The following EML6 variants were observed in gnomAD, a reference collection of about 807,000 sequenced individuals.
The protein encoded by EML6 is EMAP like 6, also known as echinoderm microtubule-associated protein-like 6.
Under a neutral mutation model 240.1 loss-of-function variants are expected in EML6, and 154 were observed. The ratio of observed to expected loss-of-function variants is 0.64; its 90% CI spans 0.56 to 0.73. EML6 has a LOEUF of 0.73. Ranked by LOEUF, EML6 falls within the 30% of genes least tolerant of loss-of-function variation. The pLI, the probability that EML6 is intolerant of heterozygous loss-of-function variation, is 0.00. For missense variants in EML6, 2,964 were observed against 2,474.6 expected, an observed-to-expected ratio of 1.20 and a Z score of -4.20; for synonymous variants, 1,148 against 899.0, an observed-to-expected ratio of 1.28 and a Z score of -4.95.
chr2:54,855,393 C>T (rs1371021), intron 11 of EML6, among the ~76,000 whole-genome samples: 94,005 of 150,518 alleles, frequency 0.62, 29,715 homozygotes, highest in South Asian at 0.73. Context: ...TAGGACAGCA[C>T]CAAGAGGATG....
chr2:54,916,690 C>G lies in EML6; in HGVS notation c.3499-69C>G. 2.3e-6 allele frequency: 3 copies of G among 1,285,630 alleles called. No individual in the cohort carries two copies. In the South Asian group the frequency reaches 5.5e-5, roughly 23 times the overall value. 79.6% of individuals were successfully genotyped at this position (1,285,630 alleles called of 1,614,324 possible). On this transcript the variant is annotated intron_variant, in intron 25 of 41. Transcript: ENST00000356458. ...AAAGTAATTTAGAATTACTCAGGTG[C>G]AAACTGTTTCTTTTAAATAAAACAA...
intron 21 of EML6, among the ~76,000 whole-genome samples, chr2:54,898,123 T>C (rs1672863947): frequency 6.6e-6 from 1 of 152,114 alleles, no homozygotes; most frequent in Non-Finnish European, 1.5e-5. Context: ...AGCAGTCAGC[T>C]CGCAGTTGTA....
intron 2 of EML6, among the ~76,000 whole-genome samples, chr2:54,785,170 C>CA (rs1669024662): frequency 9.7e-6 from 1 of 102,644 alleles, no homozygotes; most frequent in Non-Finnish European, 1.9e-5. Flanking sequence ...CACACACACA[C>CA]TTTTTTTTTT....
At chr2:54,892,983 G>A (rs186788108) in intron 19 of EML6, among the ~76,000 whole-genome samples, 1 of 152,234 alleles carries the variant, frequency 6.6e-6, no homozygotes, top group Non-Finnish European at 1.5e-5. Flanking sequence ...CTTCAGCATT[G>A]TCTTCCTCCT....
chr2:54,870,540 C>T (rs1203332329), intron 15 of EML6, among the ~76,000 whole-genome samples: 6 of 152,162 alleles, frequency 3.9e-5, no homozygotes, highest in African/African-American at 9.7e-5. Context: ...AATTAGAGAC[C>T]TACTGTGTTA....
Position 54,724,438 on chromosome 2 carries a change from C to T in EML6, c.-513-111C>T, listed in dbSNP as rs1022029860. 5.3e-5 allele frequency: 8 copies of T among 152,056 alleles called. No individual in the cohort carries two copies. Among genetic ancestry groups the T allele is most frequent in the Admixed American group, 3.9e-4 (6 of 15,270 alleles). The allele number at this position is 152,056 out of a possible 1,614,324, so 9.4% of individuals were successfully genotyped here. A position where few individuals can be genotyped will look rare whatever the true frequency, so the allele number is the denominator to read the frequency against. On this transcript the variant is annotated intron_variant, in intron 1 of 41. Transcript: ENST00000356458. This position sits in a 1 kb window ranked among gnomAD's most constrained non-coding sequence, Gnocchi z 5.2. ...GGAGAGAGAAAGCGGGAGTAGGGGA[C>T]AATTTTTAAAAATACCCAACTTGGT... is the stretch of plus-strand genomic sequence containing the variant.
At chr2:54,925,715 T>G (rs1454671524) in intron 26 of EML6, among the ~76,000 whole-genome samples, 1 of 152,170 alleles carries the variant, frequency 6.6e-6, no homozygotes, top group Non-Finnish European at 1.5e-5. Context: ...TATCAGAGAC[T>G]TAACAGGAGC....
intron 2 of EML6, among the ~76,000 whole-genome samples, chr2:54,752,662 G>T (rs561373651): frequency 1.3e-5 from 2 of 152,300 alleles, no homozygotes; most frequent in Admixed American, 6.5e-5. Context: ...GTATTCTACT[G>T]TGTGAATATA....
At chr2:54,939,547 T>C (rs966056386) in intron 28 of EML6, among the ~76,000 whole-genome samples, 1 of 152,204 alleles carries the variant, frequency 6.6e-6, no homozygotes, top group African/African-American at 2.4e-5. Context: ...TGCACCCATA[T>C]TTGGCTGATC....
Position 54,850,225 on chromosome 2 carries a change from C to G in EML6, c.1444+7C>G. 1.9e-6 allele frequency: 3 copies of G among 1,549,272 alleles called. No homozygotes were observed. Among genetic ancestry groups the G allele is most frequent in the Non-Finnish European group, 2.6e-6 (3 of 1,145,118 alleles). The stretch of plus-strand genomic sequence containing the variant: ...TTGTTCTACAGAATGCCATGTAAGT[C>G]ATGTGGAGGCCTTGGATGTTTCTGG... On this transcript the variant is annotated splice_region_variant and intron_variant, in intron 10 of 41. Coordinates refer to ENST00000356458, the MANE Select transcript of EML6 (RefSeq NM_001039753.4).
intron 7 of EML6, among the ~76,000 whole-genome samples, chr2:54,837,786 TC>T (rs1200375957): frequency 6.6e-6 from 1 of 152,170 alleles, no homozygotes; most frequent in East Asian, 1.9e-4. Flanking sequence ...CTTGCTCTGG[TC>T]CAGACCAACT....
At chr2:54,900,998 G>C (rs961271679) in intron 22 of EML6, among the ~76,000 whole-genome samples, 1 of 152,168 alleles carries the variant, frequency 6.6e-6, no homozygotes, top group Non-Finnish European at 1.5e-5. Context: ...TTTATAAGCA[G>C]ACATGAGGAT....
Position 54,813,398 on chromosome 2 carries a change from A to G in EML6, c.357+7A>G. On this transcript the variant is annotated splice_region_variant and intron_variant, in intron 3 of 41. Transcript: ENST00000356458. Reference sequence around the variant, plus strand: ...TTTTGACTCAGATGGACAGGTGTGTATCTTTTTTTAGTTGTTTTATTTAAT... The same window carrying G: ...TTTTGACTCAGATGGACAGGTGTGTGTCTTTTTTTAGTTGTTTTATTTAAT... The G allele has an allele frequency of 1.9e-6, 3 of 1,549,036 alleles. No individual in the cohort carries two copies. The highest frequency in any genetic ancestry group is 2.4e-5 in the East Asian group (1 of 40,888).
chr2:54,871,263 G>A (rs548985546), intron 15 of EML6, among the ~76,000 whole-genome samples: 1 of 152,296 alleles, frequency 6.6e-6, no homozygotes, highest in Admixed American at 6.5e-5. Flanking sequence ...TAAAGGCCCA[G>A]GCATCAGGTT....
intron 17 of EML6, among the ~76,000 whole-genome samples, chr2:54,886,300 G>C (rs1488535515): frequency 6.6e-6 from 1 of 151,020 alleles, no homozygotes; most frequent in Non-Finnish European, 1.5e-5. Flanking sequence ...TGAGTAGCTG[G>C]GATTACAGGT....
At chr2:54,792,150 ACATT>A (rs1208233126) in intron 2 of EML6, among the ~76,000 whole-genome samples, 1 of 152,182 alleles carries the variant, frequency 6.6e-6, no homozygotes, top group African/African-American at 2.4e-5. Flanking sequence ...AAATGGGAAA[ACATT>A]CATCTTAAAG....
intron 2 of EML6, among the ~76,000 whole-genome samples, chr2:54,801,850 C>G (rs574267058): frequency 6.6e-6 from 1 of 152,168 alleles, no homozygotes; most frequent in Non-Finnish European, 1.5e-5. Flanking sequence ...CAGAATGGCA[C>G]TTTTAAAAAC....
chr2:54,837,438 G>A (rs1447787687), intron 7 of EML6, among the ~76,000 whole-genome samples: 3 of 152,160 alleles, frequency 2.0e-5, no homozygotes, highest in African/African-American at 7.2e-5. Context: ...TAATGATAAT[G>A]CCACCTCCTA....
intron 29 of EML6, among the ~76,000 whole-genome samples, chr2:54,949,945 T>C (rs1573203125): frequency 1.3e-5 from 2 of 152,174 alleles, no homozygotes; most frequent in South Asian, 2.1e-4. Flanking sequence ...GTAGAGTCTT[T>C]CCTGATGCTT....
Sources: gnomAD v4.1 joint callset for allele counts (sites outside exome capture counted in the v4.1 genomes callset) on GRCh38, gnomAD v4.1.1 for gene constraint, Gnocchi (gnomAD v3.1) non-coding constraint, MANE v1.5 for transcripts, NCBI Gene and HGNC (gene_info 2026-07-23, HGNC 2026-07-21) for gene names.